Variants in DGKB observed in about 807,000 individuals in gnomAD.
DGKB encodes the protein 90 kDa diacylglycerol kinase.
A neutral mutation model predicts 114.3 loss-of-function variants in DGKB; 67 were observed. The observed-to-expected ratio is 0.59, with a 90% CI of 0.48 to 0.72. The LOEUF (loss-of-function observed/expected upper bound fraction) is 0.72, where lower values mean the gene tolerates loss of function less well. DGKB is among the 30% of genes least tolerant of loss of function. DGKB has a pLI of 0.00. For missense variants in DGKB, 907 were observed against 975.2 expected (o/e 0.93, Z 0.93); for synonymous variants, 398 against 323.1 (o/e 1.23, Z -2.49).
chr7:14,273,847 T>C (rs1369187560), intron 23 of DGKB, among the ~76,000 whole-genome samples: 3 of 152,330 alleles, frequency 2.0e-5, no homozygotes, highest in East Asian at 3.9e-4. Context: ...AGTATGTATA[T>C]ATGTGTGCAA....
intron 23 of DGKB, among the ~76,000 whole-genome samples, chr7:14,305,243 AT>A (rs1804274503): frequency 6.6e-6 from 1 of 152,058 alleles, no homozygotes; most frequent in Non-Finnish European, 1.5e-5. Flanking sequence ...TTCTAACTGT[AT>A]TTTTGTACCC....
intron 13 of DGKB, among the ~76,000 whole-genome samples, chr7:14,645,281 A>C (rs1585301960): frequency 1.3e-5 from 2 of 152,136 alleles, no homozygotes; most frequent in Non-Finnish European, 1.5e-5. Context: ...TGGTGTGCAC[A>C]TACCTTGATC....
intron 5 of DGKB, among the ~76,000 whole-genome samples, chr7:14,721,168 A>G (rs1358600928): frequency 6.6e-6 from 1 of 152,222 alleles, no homozygotes; most frequent in Non-Finnish European, 1.5e-5. Context: ...ATGCTCTGAC[A>G]TTTATTTGAA....
intron 23 of DGKB, among the ~76,000 whole-genome samples, chr7:14,237,023 T>G (rs1182954785): frequency 6.6e-6 from 1 of 152,128 alleles, no homozygotes. Flanking sequence ...CATTTTGGAA[T>G]GTGGATAAAC....
intron 1 of DGKB, among the ~76,000 whole-genome samples, chr7:14,856,394 C>G (rs1037190583): frequency 6.6e-6 from 1 of 152,140 alleles, no homozygotes; most frequent in Non-Finnish European, 1.5e-5. Context: ...TCCACATTCA[C>G]AGAAAACTCA....
In DGKB at chr7:14,857,206, G is replaced by GTCTC. The variant is rs36093995; in HGVS notation, c.-187-15760_-187-15757dup. Among the ~76,000 whole-genome samples the GTCTC allele has an allele frequency of 2.9e-3, 429 of 146,568 alleles. 1 individual carries two copies. Among genetic ancestry groups the GTCTC allele is most frequent in the Middle Eastern group, 7.0e-3 (2 of 286 alleles). ...CAGCAAGGAAGATCTCTCTCTCTCT[G>GTCTC]TCTCTCTCTCTCTCTCTCTCTCTCT... On this transcript the variant is annotated intron_variant, in intron 1 of 25. Coordinates refer to ENST00000402815, the MANE Select transcript of DGKB (RefSeq NM_001350709.2).
At chr7:14,151,981 A>G (rs1185587097) in intron 25 of DGKB, among the ~76,000 whole-genome samples, 1 of 151,832 alleles carries the variant, frequency 6.6e-6, no homozygotes, top group Non-Finnish European at 1.5e-5. Context: ...AGGCTCTAGG[A>G]AGCTGCAGAG....
chr7:14,721,537 A>C (rs556695525), intron 5 of DGKB, among the ~76,000 whole-genome samples: 2 of 152,300 alleles, frequency 1.3e-5, no homozygotes, highest in South Asian at 2.1e-4. Flanking sequence ...TTAAATGAAT[A>C]TTTAAAGCTG....
chr7:14,962,507 T>G (rs1356579829), intron 1 of DGKB, among the ~76,000 whole-genome samples: 1 of 152,122 alleles, frequency 6.6e-6, no homozygotes, highest in Non-Finnish European at 1.5e-5. Flanking sequence ...ATGATCCTGA[T>G]AGGTCAAATT....
intron 23 of DGKB, among the ~76,000 whole-genome samples, chr7:14,234,128 A>G (rs983791153): frequency 2.6e-5 from 4 of 152,040 alleles, no homozygotes; most frequent in Admixed American, 1.3e-4. Context: ...ACTGTCAGCT[A>G]TGGAGAAAAA....
chr7:14,754,107 G>A (rs1288875570), intron 3 of DGKB, among the ~76,000 whole-genome samples, 159 bp from the exon 4 acceptor site: 2 of 152,020 alleles, frequency 1.3e-5, no homozygotes, highest in African/African-American at 4.8e-5. Context: ...CCGAAACAGT[G>A]GCATCAGCAT....
At chr7:14,252,795 G>C (rs1390307495) in intron 23 of DGKB, among the ~76,000 whole-genome samples, 2 of 152,130 alleles carry the variant, frequency 1.3e-5, no homozygotes, top group Non-Finnish European at 2.9e-5. Flanking sequence ...ATGGTTCTGT[G>C]GTTGACAGAA....
chr7:14,910,197 C>T (rs1159311916), intron 1 of DGKB, among the ~76,000 whole-genome samples: 5 of 149,212 alleles, frequency 3.4e-5, no homozygotes, highest in African/African-American at 7.4e-5. Flanking sequence ...TCCGAGATTG[C>T]GTCATTGCAC....
chr7:14,387,097 A>ATT (rs377481200), intron 21 of DGKB, among the ~76,000 whole-genome samples: 1 of 147,220 alleles, frequency 6.8e-6, no homozygotes, highest in Non-Finnish European at 1.5e-5. Flanking sequence ...GTTTCTTTTG[A>ATT]TTATTTATTT....
At chr7:14,552,412 G>C (rs2052978) in intron 20 of DGKB, among the ~76,000 whole-genome samples, 10 of 152,276 alleles carry the variant, frequency 6.6e-5, no homozygotes, top group African/African-American at 2.4e-4. Flanking sequence ...AAGTAGTTAA[G>C]AAATGTTTAT....
At chr7:14,648,718 A>C (rs570062710) in intron 13 of DGKB, among the ~76,000 whole-genome samples, 2 of 150,626 alleles carry the variant, frequency 1.3e-5, no homozygotes, top group Non-Finnish European at 3.0e-5. Context: ...GGACATTCTA[A>C]CCAAAGGCAA....
At chr7:14,796,640 A>G (rs1465488478) in intron 2 of DGKB, among the ~76,000 whole-genome samples, 1 of 151,796 alleles carries the variant, frequency 6.6e-6, no homozygotes, top group East Asian at 1.9e-4. Flanking sequence ...TCATTGTAAC[A>G]GTCTTTGGAA....
At chr7:14,338,374 A>G (rs1811050962) in intron 23 of DGKB, 141 bp downstream of exon 23, 1 of 477,534 alleles carries the variant, frequency 2.1e-6, no homozygotes, top group African/African-American at 2.0e-5. Flanking sequence ...AGTTAATCAC[A>G]CATGGGTATC....
intron 21 of DGKB, among the ~76,000 whole-genome samples, chr7:14,356,166 C>G (rs183564289): frequency 6.6e-6 from 1 of 151,924 alleles, no homozygotes; most frequent in African/African-American, 2.4e-5. Flanking sequence ...ATTCTTTCCT[C>G]TTTTCTTCTT....
Sources: allele counts gnomAD v4.1 joint callset (sites outside exome capture counted in the v4.1 genomes callset), GRCh38; gene constraint gnomAD v4.1.1; transcripts MANE v1.5; gene names NCBI Gene and HGNC (gene_info 2026-07-23, HGNC 2026-07-21).